Variants in POLN observed in about 807,000 individuals in gnomAD.
The protein encoded by POLN is DNA polymerase nu.
POLN carries 108 observed loss-of-function variants against 113.5 expected under a neutral mutation model. The observed-to-expected ratio is 0.95, with a 90% CI of 0.81 to 1.12. The LOEUF (loss-of-function observed/expected upper bound fraction) is 1.12. Among genes scored for constraint, POLN ranks in the 50% most tolerant of loss-of-function variants. The pLI is 0.00. For missense variants in POLN, 1,097 were observed against 1,077.1 expected, an observed-to-expected ratio of 1.02 and a Z score of -0.26; for synonymous variants, 386 against 391.5, an observed-to-expected ratio of 0.99 and a Z score of 0.17.
At chr4:2,179,744 C>G (rs932913008) in intron 7 of POLN, among the ~76,000 whole-genome samples, 3 of 152,180 alleles carry the variant, frequency 2.0e-5, no homozygotes, top group Admixed American at 2.0e-4. Flanking sequence ...AGCTCACTTG[C>G]AATTTGGATC....
intron 16 of POLN, among the ~76,000 whole-genome samples, chr4:2,152,340 AT>A (rs75242681): frequency 0.047 from 6,105 of 129,278 alleles, 127 homozygotes; most frequent in Non-Finnish European, 0.056. Context: ...ACCTGGCCTG[AT>A]TTTTTTTTTT....
intron 21 of POLN, among the ~76,000 whole-genome samples, chr4:2,081,947 CTTTTT>C (rs71167773): frequency 3.3e-4 from 31 of 92,554 alleles, no homozygotes; most frequent in Non-Finnish European, 4.7e-4. Context: ...GCACTCTGCA[CTTTTT>C]TTTTTTTTTT....
intron 7 of POLN, among the ~76,000 whole-genome samples, chr4:2,186,919 T>A (rs919333029): frequency 6.6e-6 from 1 of 152,162 alleles, no homozygotes; most frequent in African/African-American, 2.4e-5. Context: ...AGAGGTTGAC[T>A]TAATTTAAAA....
intron 16 of POLN, among the ~76,000 whole-genome samples, chr4:2,148,664 C>G (rs1161101681): frequency 2.6e-5 from 1 of 39,026 alleles, no homozygotes; most frequent in Non-Finnish European, 1.0e-4. Flanking sequence ...GAGACTCTGT[C>G]CCCCCCCCAA....
intron 13 of POLN, among the ~76,000 whole-genome samples, chr4:2,166,694 C>T (rs1346111888): frequency 1.3e-5 from 2 of 152,132 alleles, no homozygotes; most frequent in Non-Finnish European, 2.9e-5. Flanking sequence ...CACCCTTCTC[C>T]TACCTTTGGA....
intron 6 of POLN, among the ~76,000 whole-genome samples, chr4:2,196,286 T>C (rs1182085690): frequency 6.6e-6 from 1 of 152,142 alleles, no homozygotes; most frequent in Non-Finnish European, 1.5e-5. Flanking sequence ...AGATGGAGTA[T>C]GAAGCTTACA....
At chr4:2,193,461 T>A (rs1241257882) in intron 6 of POLN, 145 bp from the exon 7 acceptor site, 2 of 584,802 alleles carry the variant, frequency 3.4e-6, no homozygotes, top group East Asian at 6.4e-5. Flanking sequence ...GTCACTGTTA[T>A]TTATCATCTG....
rs566310870 is a variant in POLN, at chr4:2,124,703, C to G, written c.1982+3410G>C. On this transcript the variant is annotated intron_variant, in intron 19 of 25. Coordinates refer to ENST00000511885, the MANE Select transcript of POLN (RefSeq NM_181808.4). ...GGGCACAGAGACCAGGAGAAAGCACCGGGACAGGCAGGGCCCAGGGATGCT... is the reference window on the plus strand; with the variant it reads ...GGGCACAGAGACCAGGAGAAAGCACGGGGACAGGCAGGGCCCAGGGATGCT... Among the ~76,000 whole-genome samples the G allele has an allele frequency of 2.6e-5, 4 of 152,212 alleles. No individual in the cohort carries two copies. In the South Asian group the frequency reaches 6.2e-4, roughly 24 times the overall value.
chr4:2,131,781 G>A (rs939368526), intron 16 of POLN, among the ~76,000 whole-genome samples: 8 of 152,110 alleles, frequency 5.3e-5, no homozygotes, highest in African/African-American at 1.4e-4. Context: ...CTTGTGCTAC[G>A]TCCCCTGCAA....
At chr4:2,215,897 T>C (rs1734101575) in intron 3 of POLN, among the ~76,000 whole-genome samples, 1 of 152,214 alleles carries the variant, frequency 6.6e-6, no homozygotes, top group South Asian at 2.1e-4. Flanking sequence ...CTCCTCACCC[T>C]TGCCTATCTC....
intron 13 of POLN, among the ~76,000 whole-genome samples, chr4:2,161,815 G>A (rs1445796417): frequency 1.3e-5 from 2 of 152,152 alleles, no homozygotes; most frequent in African/African-American, 4.8e-5. Context: ...TCTAGCTCAA[G>A]GTTTGTAAAT....
At position 2,127,812 on chromosome 4, in the gene POLN, G is replaced by A. The variant is rs565200396; in HGVS notation, c.1982+301C>T. ...GGCAGTGGCTCACAGCCAGCACCGC[G>A]GGCTCGCTCTTTCCGTGGTGCTCGC... is the stretch of plus-strand genomic sequence containing the variant. On this transcript the variant is annotated intron_variant, in intron 19 of 25. Coordinates refer to ENST00000511885, the MANE Select transcript of POLN (RefSeq NM_181808.4). This position sits in a 1 kb window ranked among gnomAD's most constrained non-coding sequence, Gnocchi z 4.7. Among the ~76,000 whole-genome samples the A allele has an allele frequency of 3.9e-5, 6 of 152,336 alleles. No homozygotes were observed. In the South Asian group the frequency reaches 1.0e-3, roughly 26 times the overall value.
At chr4:2,209,565 CAAACTAATCAAGGTGGGG>C (rs1262133150) in intron 4 of POLN, among the ~76,000 whole-genome samples, 1 of 150,842 alleles carries the variant, frequency 6.6e-6, no homozygotes, top group East Asian at 1.9e-4. Context: ...CATAGATCCA[CAAACTAATCAAGGTGGGG>C]AAAGCAATCC....
At chr4:2,236,344 G>A (rs1408927482) in intron 2 of POLN, 1 of 1,612,642 alleles carries the variant, frequency 6.2e-7, no homozygotes, top group Admixed American at 1.7e-5. Flanking sequence ...ACTGCCAACT[G>A]ATCTTGTACT....
At chr4:2,116,842 C>T (rs891222478) in intron 19 of POLN, among the ~76,000 whole-genome samples, 3 of 152,174 alleles carry the variant, frequency 2.0e-5, no homozygotes, top group Admixed American at 6.5e-5. Flanking sequence ...TCTAGAGTAC[C>T]TAGAGGGCAC....
intron 20 of POLN, chr4:2,089,403 G>A: frequency 2.2e-6 from 3 of 1,368,658 alleles, no homozygotes; most frequent in Non-Finnish European, 3.0e-6. Context: ...CTGTGAAACT[G>A]ACAGATGACT....
chr4:2,160,252 T>G (rs578855), intron 13 of POLN, among the ~76,000 whole-genome samples: 113,974 of 152,044 alleles, frequency 0.75, 45,463 homozygotes, highest in Non-Finnish European at 0.89. Context: ...GTATATCTTC[T>G]TTCATTAAGC....
intron 23 of POLN, chr4:2,079,024 G>C (rs751844382): frequency 3.2e-5 from 22 of 689,870 alleles, no homozygotes; most frequent in Non-Finnish European, 3.7e-5. Context: ...TGAACTCCCA[G>C]GCTCAGGTGA....
At chr4:2,085,979 G>A (rs1730540299) in intron 20 of POLN, among the ~76,000 whole-genome samples, 2 of 152,234 alleles carry the variant, frequency 1.3e-5, no homozygotes, top group Non-Finnish European at 2.9e-5. Context: ...TTCAGGTGAT[G>A]TGGTGATGAA....
Sources: allele counts gnomAD v4.1 joint callset (sites outside exome capture counted in the v4.1 genomes callset), GRCh38; gene constraint gnomAD v4.1.1; non-coding constraint Gnocchi (gnomAD v3.1); transcripts MANE v1.5; gene names NCBI Gene and HGNC (gene_info 2026-07-23, HGNC 2026-07-21).